Variants in C19orf47 observed in about 807,000 individuals in gnomAD.
C19orf47 encodes the protein uncharacterized protein C19orf47.
Under a neutral mutation model 32.3 loss-of-function variants are expected in C19orf47, and 18 were observed. The observed-to-expected ratio is 0.56, with a 90% CI of 0.39 to 0.83. The LOEUF is 0.83. Ranked by LOEUF, C19orf47 falls within the 40% of genes least tolerant of loss-of-function variation. C19orf47 has a pLI of 0.00. For synonymous variants in C19orf47, 202 were observed against 211.1 expected (o/e 0.96, Z 0.37); for missense variants, 484 against 531.6 (o/e 0.91, Z 0.88).
Position 40,321,217 on chromosome 19 carries a change from C to G in C19orf47, c.*665G>C. 1.0e-6 allele frequency: 1 copy of G among 985,906 alleles called. No individual in the cohort carries two copies. The highest frequency in any genetic ancestry group is 1.2e-6 in the Non-Finnish European group (1 of 829,048). 61.1% of individuals were successfully genotyped at this position (985,906 alleles called of 1,614,324 possible). A position where few individuals can be genotyped will look rare whatever the true frequency, so the allele number is the denominator to read the frequency against. On this transcript the variant is annotated 3_prime_UTR_variant, in exon 9 of 9. Transcript: ENST00000683109. Reference sequence around the variant, plus strand: ...ATGCGCCTCAGCCGCAGCCCAGGGTCTGGAGAGGTCCCTCCAGCCTGGGAG... The same window carrying G: ...ATGCGCCTCAGCCGCAGCCCAGGGTGTGGAGAGGTCCCTCCAGCCTGGGAG...
chr19:40,332,217 G>A (rs1474704577), intron 5 of C19orf47, among the ~76,000 whole-genome samples: 1 of 152,140 alleles, frequency 6.6e-6, no homozygotes, highest in East Asian at 1.9e-4. Context: ...AATTGGCTGG[G>A]CATGGTGGCA....
intron 7 of C19orf47, chr19:40,324,363 T>G: frequency 2.2e-6 from 1 of 462,084 alleles, no homozygotes; most frequent in East Asian, 3.4e-5. Context: ...TGCCTGCATG[T>G]TCCTTTCACT....
chr19:40,310,160 T>C, the C19orf47 span, among the ~76,000 whole-genome samples: 2 of 151,870 alleles, frequency 1.3e-5, no homozygotes, highest in Non-Finnish European at 2.9e-5. Flanking sequence ...AATACATCCA[T>C]ACAATGGAAT....
At chr19:40,305,576 G>C in the C19orf47 span, among the ~76,000 whole-genome samples, 1 of 152,142 alleles carries the variant, frequency 6.6e-6, no homozygotes. Flanking sequence ...AGTCTTCCTA[G>C]AGCAATTTGC....
chr19:40,326,582 C>A (rs2077835521), intron 6 of C19orf47, 96 bp from the exon 7 acceptor site: 2 of 1,403,012 alleles, frequency 1.4e-6, no homozygotes, highest in Non-Finnish European at 1.9e-6. Flanking sequence ...TCCACACATT[C>A]ATGACTGGAA....
the C19orf47 span, among the ~76,000 whole-genome samples, chr19:40,297,428 C>T: frequency 2.4e-3 from 360 of 152,196 alleles, 4 homozygotes; most frequent in African/African-American, 6.3e-3. Context: ...GTTAGCCGGG[C>T]GTGGTGGCTC....
chr19:40,328,384 C>A, intron 6 of C19orf47, 29 bp downstream of exon 6: 2 of 1,609,432 alleles, frequency 1.2e-6, no homozygotes, highest in Non-Finnish European at 1.7e-6. Context: ...CCCTCCAGCT[C>A]CTCCTACCAC....
At chr19:40,329,234 A>AC (rs1163357330) in intron 5 of C19orf47, among the ~76,000 whole-genome samples, 1 of 152,128 alleles carries the variant, frequency 6.6e-6, no homozygotes, top group Non-Finnish European at 1.5e-5. Context: ...GAGGACAGGC[A>AC]CAAGGGCGCA....
chr19:40,341,767 TC>T, intron 2 of C19orf47, 71 bp downstream of exon 2: 2 of 1,527,158 alleles, frequency 1.3e-6, no homozygotes, highest in Non-Finnish European at 1.8e-6. Flanking sequence ...CATCCCATCA[TC>T]CCCCACCAAG....
At chr19:40,304,226 G>C in the C19orf47 span, among the ~76,000 whole-genome samples, 1 of 152,090 alleles carries the variant, frequency 6.6e-6, no homozygotes, top group Non-Finnish European at 1.5e-5. Context: ...TTTCAGATAG[G>C]AGAAATGAAG....
the C19orf47 span, among the ~76,000 whole-genome samples, chr19:40,302,835 A>G: frequency 7.2e-5 from 11 of 152,320 alleles, no homozygotes; most frequent in Admixed American, 2.0e-4. Flanking sequence ...AGTTACTGAA[A>G]GTAAGACTTC....
downstream of C19orf47, among the ~76,000 whole-genome samples, chr19:40,318,645 T>G (rs2145495570): frequency 6.6e-6 from 1 of 152,288 alleles, no homozygotes; most frequent in African/African-American, 2.4e-5. Flanking sequence ...GGCAATGACC[T>G]GAAGGGGCGG....
At chr19:40,324,425 C>A in intron 7 of C19orf47, 2 of 319,336 alleles carry the variant, frequency 6.3e-6, no homozygotes, top group Middle Eastern at 9.7e-4. Flanking sequence ...GTGCATCCTC[C>A]CCTAAATTAT....
In C19orf47 at chr19:40,341,878, T is replaced by C; in HGVS notation, c.-21A>G. 1 of 1,536,222 alleles carries C rather than the reference T, an allele frequency of 6.5e-7. No homozygotes were observed. The highest frequency in any genetic ancestry group is 1.2e-5 in the South Asian group (1 of 84,068). ...ACCATCGTCTCCCTGGCCCTGACAC[T>C]GCTCCCTGGAGCCTGAAAGAGAAGA... On this transcript the variant is annotated 5_prime_UTR_variant, in exon 2 of 9. Coordinates refer to ENST00000683109, the MANE Select transcript of C19orf47 (RefSeq NM_001256441.2).
At chr19:40,343,076 A>T (rs542988908) in intron 1 of C19orf47, among the ~76,000 whole-genome samples, 2 of 152,288 alleles carry the variant, frequency 1.3e-5, no homozygotes, top group Non-Finnish European at 2.9e-5. Context: ...ATTCAACGCT[A>T]TGCGACTCCA....
At chr19:40,337,478 T>C (rs2078088572) in intron 2 of C19orf47, among the ~76,000 whole-genome samples, 1 of 152,002 alleles carries the variant, frequency 6.6e-6, no homozygotes, top group Non-Finnish European at 1.5e-5. Context: ...CTAAGATCAC[T>C]GATTCGAAGT....
the C19orf47 span, among the ~76,000 whole-genome samples, chr19:40,302,833 A>G: frequency 1.2e-4 from 19 of 152,284 alleles, no homozygotes; most frequent in South Asian, 3.9e-3. Flanking sequence ...GGAGTTACTG[A>G]AAGTAAGACT....
downstream of C19orf47, among the ~76,000 whole-genome samples, chr19:40,317,695 C>T (rs1409695794): frequency 6.6e-6 from 1 of 151,752 alleles, no homozygotes; most frequent in Non-Finnish European, 1.5e-5. Flanking sequence ...ACATGGACAA[C>T]TCTAGAGAGT....
the C19orf47 span, among the ~76,000 whole-genome samples, chr19:40,295,092 C>G: frequency 6.6e-6 from 1 of 151,462 alleles, no homozygotes; most frequent in Non-Finnish European, 1.5e-5. Flanking sequence ...CTTAATCTCG[C>G]CTCACTGCAA....
Sources: allele counts gnomAD v4.1 joint callset (sites outside exome capture counted in the v4.1 genomes callset), GRCh38; gene constraint gnomAD v4.1.1; transcripts MANE v1.5; gene names NCBI Gene and HGNC (gene_info 2026-07-23, HGNC 2026-07-21).